B3GALT1: variants seen among roughly 807,000 people sequenced by gnomAD.
The protein encoded by B3GALT1 is UDP-Gal:betaGlcNAc beta 1,3-galactosyltransferase, polypeptide 1.
B3GALT1 carries 10 observed loss-of-function variants against 23.2 expected under a neutral mutation model. The observed-to-expected ratio is 0.43, with a 90% confidence interval of 0.27 to 0.73. The LOEUF is 0.73. Ranked by LOEUF, B3GALT1 falls within the 30% of genes least tolerant of loss-of-function variation. The pLI, the probability that B3GALT1 is intolerant of heterozygous loss-of-function variation, is 0.21. For synonymous variants in B3GALT1, 156 were observed against 141.5 expected (o/e 1.10, Z -0.73); for missense variants, 299 against 405.4 (o/e 0.74, Z 2.25).
intron 2 of B3GALT1, among the ~76,000 whole-genome samples, chr2:167,621,232 G>A (rs532409077): frequency 1.8e-4 from 27 of 151,516 alleles, no homozygotes; most frequent in African/African-American, 6.5e-4. Flanking sequence ...GGAACTACAG[G>A]CACACACCAC....
At chr2:167,476,286 T>C (rs1196658468) in intron 1 of B3GALT1, among the ~76,000 whole-genome samples, 1 of 152,240 alleles carries the variant, frequency 6.6e-6, no homozygotes, top group Non-Finnish European at 1.5e-5. Flanking sequence ...TAGGTATTTA[T>C]CTTCAGTAGT....
chr2:167,431,341 A>G (rs1574075793), intron 1 of B3GALT1, among the ~76,000 whole-genome samples: 2 of 152,226 alleles, frequency 1.3e-5, no homozygotes, highest in East Asian at 3.8e-4. Flanking sequence ...ATCACTGACC[A>G]TAGAAAAATT....
At chr2:167,581,256 C>CACATTT (rs755297390) in intron 2 of B3GALT1, among the ~76,000 whole-genome samples, 23 of 152,290 alleles carry the variant, frequency 1.5e-4, no homozygotes, top group Admixed American at 9.8e-4. Context: ...CTATGGAAAG[C>CACATTT]ACTTTGTAAA....
At chr2:167,602,406 G>T (rs1274658568) in intron 2 of B3GALT1, among the ~76,000 whole-genome samples, 1 of 152,124 alleles carries the variant, frequency 6.6e-6, no homozygotes, top group African/African-American at 2.4e-5. Context: ...ACCATATTTA[G>T]GGGAACTAAA....
At position 167,869,370 on chromosome 2, in the gene B3GALT1, A is replaced by AAGAT; in HGVS notation, c.334_337dup (p.Ala113AspfsTer12). ...GGATGAGAACAACTTTAAGGGGATCAAGATAGCCACCCTGTTCCTCCTGGG... is the reference window on the plus strand; with the variant it reads ...GGATGAGAACAACTTTAAGGGGATCAAGATAGATAGCCACCCTGTTCCTCCTGGG... On this transcript the variant is annotated frameshift_variant, in exon 5 of 5. Transcript: ENST00000392690. LOFTEE classifies it high-confidence loss of function. This position sits in a 1 kb window ranked among gnomAD's most constrained non-coding sequence, Gnocchi z 6.4. 1 of 1,614,176 alleles carries AAGAT rather than the reference A, an allele frequency of 6.2e-7. No individual in the cohort carries two copies. Among genetic ancestry groups the AAGAT allele is most frequent in the Non-Finnish European group, 8.5e-7 (1 of 1,180,030 alleles).
At chr2:167,602,035 C>G (rs1001934316) in intron 2 of B3GALT1, among the ~76,000 whole-genome samples, 1 of 152,160 alleles carries the variant, frequency 6.6e-6, no homozygotes, top group Non-Finnish European at 1.5e-5. Context: ...TCAATCATGG[C>G]TGTATATTCC....
chr2:167,659,532 C>T (rs371530897), intron 3 of B3GALT1, among the ~76,000 whole-genome samples: 62 of 152,142 alleles, frequency 4.1e-4, no homozygotes, highest in South Asian at 2.3e-3. Flanking sequence ...ATACATTGTA[C>T]GGAGTCAGGA....
chr2:167,364,186 A>G (rs1010818697), intron 1 of B3GALT1, among the ~76,000 whole-genome samples: 90 of 129,376 alleles, frequency 7.0e-4, no homozygotes, highest in African/African-American at 2.3e-3. Context: ...AAAAAAAAAA[A>G]GGAAGAAAAG....
chr2:167,819,682 G>C (rs1689065945), intron 4 of B3GALT1, among the ~76,000 whole-genome samples: 1 of 152,118 alleles, frequency 6.6e-6, no homozygotes, highest in Non-Finnish European at 1.5e-5. Context: ...ATGCCAAGCA[G>C]AATCAGACCC....
At position 167,869,963 on chromosome 2, in the gene B3GALT1, A is replaced by C. The variant is rs1230582326; in HGVS notation, c.924A>C (p.Pro308=). 2 of 1,613,344 alleles carry C rather than the reference A, an allele frequency of 1.2e-6. No homozygotes were observed. Among genetic ancestry groups the C allele is most frequent in the South Asian group, 2.2e-5 (2 of 91,040 alleles). ...RRVITVHQIS[P]EEMHRIWNDM... is the part of the protein sequence containing the mutation. ...TTATCACTGTGCATCAGATCTCTCC[A>C]GAAGAAATGCACAGAATCTGGAATG... The change falls in exon 5 of 5, where the codon CCA becomes CCC. Residue 308 remains proline (P), a synonymous_variant. Transcript: ENST00000392690. This position sits in a 1 kb window ranked among gnomAD's most constrained non-coding sequence, Gnocchi z 6.4.
intron 1 of B3GALT1, among the ~76,000 whole-genome samples, chr2:167,326,783 G>A (rs914095476): frequency 1.3e-5 from 2 of 151,876 alleles, no homozygotes; most frequent in African/African-American, 2.4e-5. Flanking sequence ...TCCGCCTCCC[G>A]GGTTCAAGCA....
At chr2:167,714,666 C>A in intron 3 of B3GALT1, 2 of 1,613,906 alleles carry the variant, frequency 1.2e-6, no homozygotes, top group Non-Finnish European at 1.7e-6. Flanking sequence ...GCAGTCCGAG[C>A]TGCCAACCAA....
chr2:167,830,631 T>A (rs988359165), intron 4 of B3GALT1, among the ~76,000 whole-genome samples: 10 of 152,196 alleles, frequency 6.6e-5, no homozygotes, highest in Non-Finnish European at 1.2e-4. Context: ...GTTTCCTCTG[T>A]TGCACAAAAA....
chr2:167,828,496 G>A (rs985086763), intron 4 of B3GALT1, among the ~76,000 whole-genome samples: 3 of 152,144 alleles, frequency 2.0e-5, no homozygotes, highest in Admixed American at 1.3e-4. Flanking sequence ...ATTTTTTCCT[G>A]CATAAGAGAT....
chr2:167,629,566 C>G (rs766706130), intron 2 of B3GALT1, among the ~76,000 whole-genome samples: 6 of 151,688 alleles, frequency 4.0e-5, no homozygotes, highest in Non-Finnish European at 8.9e-5. Context: ...ATTGCTCTAA[C>G]TATATAATAT....
chr2:167,790,413 C>T (rs2105328523), intron 3 of B3GALT1, among the ~76,000 whole-genome samples: 1 of 152,258 alleles, frequency 6.6e-6, no homozygotes, highest in Middle Eastern at 3.4e-3. Flanking sequence ...GAGATGTCTC[C>T]ACCTGGGTAA....
In B3GALT1 at chr2:167,428,351, T is replaced by C. The variant is rs79758078; in HGVS notation, c.-510-61826T>C. On this transcript the variant is annotated intron_variant, in intron 1 of 4. Transcript: ENST00000392690. ...GCCCTGTGGCATGCCAGAAATTTTTTTTGTCATTCCTAATTCAAGAGAATA... is the reference window on the plus strand; with the variant it reads ...GCCCTGTGGCATGCCAGAAATTTTTCTTGTCATTCCTAATTCAAGAGAATA... Among the ~76,000 whole-genome samples the C allele has an allele frequency of 7.7e-4, 118 of 152,288 alleles. 1 individual carries two copies. The East Asian group carries it at 0.018, about 23-fold the overall frequency.
rs116366730 is a variant in B3GALT1 at position 167,672,668 on chromosome 2, C to A, written c.-352+25702C>A. 4.1e-3 allele frequency among the ~76,000 whole-genome samples: 630 copies of A among 152,122 alleles called. 5 individuals carry two copies. Among genetic ancestry groups the A allele is most frequent in the African/African-American group, 0.015 (610 of 41,512 alleles). ...AAGTAGAGATAATCAAAAGTACTTACCTTTAGGGTTGTAATAAGGATTAAA... is the reference window on the plus strand; with the variant it reads ...AAGTAGAGATAATCAAAAGTACTTAACTTTAGGGTTGTAATAAGGATTAAA... On this transcript the variant is annotated intron_variant, in intron 3 of 4. Coordinates refer to ENST00000392690, the MANE Select transcript of B3GALT1 (RefSeq NM_020981.4).
At chr2:167,328,954 A>T (rs575370830) in intron 1 of B3GALT1, among the ~76,000 whole-genome samples, 1 of 152,084 alleles carries the variant, frequency 6.6e-6, no homozygotes, top group African/African-American at 2.4e-5. Flanking sequence ...CTGGGTCTAC[A>T]GGGGCGCACC....
Sources: allele counts gnomAD v4.1 joint callset (sites outside exome capture counted in the v4.1 genomes callset), GRCh38; gene constraint gnomAD v4.1.1; non-coding constraint Gnocchi (gnomAD v3.1); transcripts MANE v1.5; gene names NCBI Gene and HGNC (gene_info 2026-07-23, HGNC 2026-07-21).